TACC2: variants seen among roughly 807,000 people sequenced by gnomAD.
TACC2 encodes transforming acidic coiled-coil containing protein 2.
Under a neutral mutation model 227.3 loss-of-function variants are expected in TACC2, and 137 were observed. The observed-to-expected ratio is 0.60, with a 90% CI of 0.52 to 0.69. The LOEUF is 0.69. TACC2 is among the 30% of genes least tolerant of loss of function. The pLI, the probability that TACC2 is intolerant of heterozygous loss-of-function variation, is 0.00. For synonymous variants in TACC2, 1,523 were observed against 1,487.5 expected, an observed-to-expected ratio of 1.02 and a Z score of -0.55; for missense variants, 3,470 against 3,694.4, an observed-to-expected ratio of 0.94 and a Z score of 1.57.
At chr10:122,071,924 A>G (rs1405198623) in intron 3 of TACC2, among the ~76,000 whole-genome samples, 1 of 147,940 alleles carries the variant, frequency 6.8e-6, no homozygotes, top group Non-Finnish European at 1.5e-5. Flanking sequence ...CTTGTGTAGG[A>G]TACTTTGGGG....
intron 7 of TACC2, among the ~76,000 whole-genome samples, chr10:122,147,330 A>G (rs920792040): frequency 6.6e-6 from 1 of 152,090 alleles, no homozygotes; most frequent in Non-Finnish European, 1.5e-5. Flanking sequence ...TTTTTAGTGG[A>G]GTCAAGGTTT....
chr10:122,167,876 G>T (rs1246352864), intron 7 of TACC2, among the ~76,000 whole-genome samples: 3 of 152,074 alleles, frequency 2.0e-5, no homozygotes, highest in African/African-American at 7.2e-5. Flanking sequence ...GCTCTCATTA[G>T]ATCTTTTTCT....
intron 7 of TACC2, among the ~76,000 whole-genome samples, chr10:122,153,868 T>C (rs962064335): frequency 6.6e-6 from 1 of 152,326 alleles, no homozygotes; most frequent in South Asian, 2.1e-4. Flanking sequence ...TCTTTTTGAC[T>C]TAGGTGTCTG....
chr10:122,006,114 G>A (rs2135207717), intron 1 of TACC2, among the ~76,000 whole-genome samples: 1 of 151,570 alleles, frequency 6.6e-6, no homozygotes, highest in Non-Finnish European at 1.5e-5. Flanking sequence ...CTTTTTTAAT[G>A]CTGTTTCATT....
intron 6 of TACC2, among the ~76,000 whole-genome samples, chr10:122,142,142 C>A (rs1173003552): frequency 6.6e-6 from 1 of 152,194 alleles, no homozygotes; most frequent in African/African-American, 2.4e-5. Flanking sequence ...TTTGTTCCCC[C>A]GTGGATTGGT....
rs773704307 is a variant in TACC2 at position 122,082,836 on chromosome 10, C to G, written c.336C>G (p.Pro112=). The change falls in exon 4 of 23, where the codon CCC becomes CCG. Residue 112 remains proline, a synonymous_variant. Transcript: ENST00000369005. ...GAGAGCACCCCTCGTCCTCCATGCC[C>G]TTTGCCGAGTGTCCCCCGGAAGGTT... is the stretch of plus-strand genomic sequence containing the variant. ...QEREHPSSSM[P]FAECPPEGCL... 1.9e-6 allele frequency: 3 copies of G among 1,613,694 alleles called. No individual in the cohort carries two copies. The highest frequency in any genetic ancestry group is 2.5e-6 in the Non-Finnish European group (3 of 1,180,016).
intron 16 of TACC2, among the ~76,000 whole-genome samples, chr10:122,237,186 T>C (rs949718327): frequency 3.3e-5 from 5 of 152,182 alleles, no homozygotes; most frequent in African/African-American, 1.2e-4. Flanking sequence ...AGCCCCTTTG[T>C]CTGCCTGCCC....
rs554366388 is a variant in TACC2, at chr10:122,168,776, T to C, written c.5834+25070T>C. The stretch of plus-strand genomic sequence containing the variant: ...ACCCTCCCATTCCCATCCCTGTGTT[T>C]CTTTCCACTGTCTACAGCCTGTTTC... On this transcript the variant is annotated intron_variant, in intron 7 of 22. Coordinates refer to ENST00000369005, the MANE Select transcript of TACC2 (RefSeq NM_206862.4). 2.6e-5 allele frequency among the ~76,000 whole-genome samples: 4 copies of C among 152,344 alleles called. No individual in the cohort carries two copies. The East Asian group carries it at 7.7e-4, about 29-fold the overall frequency.
intron 7 of TACC2, among the ~76,000 whole-genome samples, chr10:122,176,113 C>CTATATATATATATA (rs1159813137): frequency 1.8e-5 from 1 of 54,824 alleles, no homozygotes; most frequent in Non-Finnish European, 3.2e-5. Flanking sequence ...CTCTCTCTCT[C>CTATATATATATATA]TCTCTATATA....
chr10:122,086,605 G>C lies in TACC2; in HGVS notation c.4105G>C (p.Glu1369Gln), dbSNP rs772210885. 4.4e-6 allele frequency: 7 copies of C among 1,598,216 alleles called. No homozygotes were observed. Among genetic ancestry groups the C allele is most frequent in the Non-Finnish European group, 6.0e-6 (7 of 1,172,124 alleles). Reference sequence around the variant, plus strand: ...GGGCATGGCAGGTGATGCAGCAGGAGAGACAGAGGGCAGCATGGAGAGGAT... The same window carrying C: ...GGGCATGGCAGGTGATGCAGCAGGACAGACAGAGGGCAGCATGGAGAGGAT... ...GEGMAGDAAG[E>Q]TEGSMERMGE... Residue 1369 changes from glutamate to glutamine, a missense_variant, in exon 4 of 23, where the codon GAG becomes CAG. By Grantham distance (29) the Glu-to-Gln change is conservative. This residue lies in a region of TACC2 where 1,924 missense variants were observed against 1,978.3 expected (regional missense o/e 0.97). Transcript: ENST00000369005.
intron 2 of TACC2, among the ~76,000 whole-genome samples, chr10:122,045,316 C>T (rs868312756): frequency 2.0e-5 from 3 of 152,290 alleles, no homozygotes; most frequent in East Asian, 1.9e-4. Flanking sequence ...CATAGAGCAA[C>T]GAATTCCACT....
At chr10:122,088,261 G>A (rs1236051415) in intron 4 of TACC2, among the ~76,000 whole-genome samples, 1 of 152,088 alleles carries the variant, frequency 6.6e-6, no homozygotes, top group African/African-American at 2.4e-5. Context: ...ACTATTAAGT[G>A]ATAGGTTATA....
At chr10:122,153,956 TAAAC>T (rs1385727676) in intron 7 of TACC2, among the ~76,000 whole-genome samples, 2 of 152,124 alleles carry the variant, frequency 1.3e-5, no homozygotes, top group Non-Finnish European at 2.9e-5. Context: ...ATCACAAAAA[TAAAC>T]AAGATCTGCC....
chr10:122,083,618 A>G lies in TACC2; in HGVS notation c.1118A>G (p.Gln373Arg). The change falls in exon 4 of 23, where the codon CAG becomes CGG. Residue 373 changes from glutamine to arginine, a missense_variant. Physicochemically the swap from Gln to Arg is conservative, Grantham distance 43. Coordinates refer to ENST00000369005, the MANE Select transcript of TACC2 (RefSeq NM_206862.4). ...GAGGCTCTGGACACCATTGATGTTCAGGGTCACCCACAGACAGGGATGCGA... is the reference window on the plus strand; with the variant it reads ...GAGGCTCTGGACACCATTGATGTTCGGGGTCACCCACAGACAGGGATGCGA... Reference protein sequence around the residue: ...GKEALDTIDVQGHPQTGMRGT... With the variant: ...GKEALDTIDVRGHPQTGMRGT... 1 of 1,611,798 alleles carries G rather than the reference A, an allele frequency of 6.2e-7. No homozygotes were observed. The highest frequency in any genetic ancestry group is 1.7e-5 in the Admixed American group (1 of 60,016).
intron 7 of TACC2, among the ~76,000 whole-genome samples, chr10:122,157,281 A>G (rs1286914719): frequency 6.6e-6 from 1 of 152,100 alleles, no homozygotes; most frequent in Non-Finnish European, 1.5e-5. Context: ...TTAGTGCAGG[A>G]TGGGGGAACT....
intron 5 of TACC2, among the ~76,000 whole-genome samples, chr10:122,116,655 A>G (rs1409983889): frequency 6.6e-6 from 1 of 152,162 alleles, no homozygotes; most frequent in East Asian, 1.9e-4. Context: ...TGCAAATGGA[A>G]AGTCAGTGGT....
Position 122,087,220 on chromosome 10 carries a change from G to A in TACC2, c.4720G>A (p.Ala1574Thr). Reference sequence around the variant, plus strand: ...TACTCAGGAGCTCCCTGTGGAGAGAGCTGCTGCCTTCCAGGTGGCTCCCCA... The same window carrying A: ...TACTCAGGAGCTCCCTGTGGAGAGAACTGCTGCCTTCCAGGTGGCTCCCCA... ...AATQELPVER[A>T]AAFQVAPHSH... is the part of the protein sequence containing the mutation. Residue 1574 changes from alanine (A) to threonine (T), a missense_variant, in exon 4 of 23, where the codon GCT becomes ACT. By Grantham distance (58) the Ala-to-Thr change is moderately conservative. Coordinates refer to ENST00000369005, the MANE Select transcript of TACC2 (RefSeq NM_206862.4). The A allele has an allele frequency of 6.2e-7, 1 of 1,613,146 alleles. No homozygotes were observed. The highest frequency in any genetic ancestry group is 1.3e-5 in the African/African-American group (1 of 75,070).
At chr10:122,181,230 G>C (rs2093962198) in intron 7 of TACC2, among the ~76,000 whole-genome samples, 1 of 152,212 alleles carries the variant, frequency 6.6e-6, no homozygotes, top group South Asian at 2.1e-4. Context: ...ATGTGTCTGT[G>C]TGTGCATGTT....
chr10:122,061,019 A>AG (rs796091726), intron 3 of TACC2, among the ~76,000 whole-genome samples: 1,585 of 16,388 alleles, frequency 0.097, 40 homozygotes, highest in African/African-American at 0.14. Flanking sequence ...AAAAAAAAAA[A>AG]GGGGGGGGGG....
Sources: gnomAD v4.1 joint callset for allele counts (sites outside exome capture counted in the v4.1 genomes callset) on GRCh38, gnomAD v4.1.1 for gene constraint, gnomAD v4.1.1 regional missense constraint, MANE v1.5 for transcripts, NCBI Gene and HGNC (gene_info 2026-07-23, HGNC 2026-07-21) for gene names.